The following ZNF566 variants were observed in gnomAD, a reference collection of about 807,000 sequenced individuals.
The protein encoded by ZNF566 is zinc finger protein 566.
In ZNF566, 27 loss-of-function variants were observed where a neutral mutation model predicts 32.8. The observed-to-expected ratio is 0.82, with a 90% CI of 0.61 to 1.14. ZNF566 has a LOEUF of 1.14. ZNF566 is among the 50% of genes most tolerant of loss of function. The pLI is 0.00. For missense variants in ZNF566, 402 were observed against 490.4 expected, an observed-to-expected ratio of 0.82 and a Z score of 1.70; for synonymous variants, 154 against 159.5, an observed-to-expected ratio of 0.97 and a Z score of 0.26.
intron 1 of ZNF566, among the ~76,000 whole-genome samples, chr19:36,486,267 T>A (rs1387516573): frequency 1.3e-5 from 2 of 152,192 alleles, no homozygotes; most frequent in Admixed American, 1.3e-4. Context: ...GAAAAAGGGC[T>A]CTAACTTAAT....
rs777231866 is a variant in ZNF566, at chr19:36,449,399, C to G, written c.835G>C (p.Gly279Arg). The change falls in exon 5 of 5, where the codon GGT becomes CGT. Residue 279 changes from glycine (G) to arginine (R), a missense_variant. Physicochemically the swap from Gly to Arg is moderately radical, Grantham distance 125 (BLOSUM62 -2). Coordinates refer to ENST00000452939, the MANE Select transcript of ZNF566 (RefSeq NM_001145344.1). Reference sequence around the variant, plus strand: ...TCTTTGCATTCATAAGGCTTCTCACCTGTGTGAATTCTCTGATGTCGAGTG... The same window carrying G: ...TCTTTGCATTCATAAGGCTTCTCACGTGTGTGAATTCTCTGATGTCGAGTG... Reference protein sequence around the residue: ...NFTRHQRIHTGEKPYECKECG... With the variant: ...NFTRHQRIHTREKPYECKECG... The G allele has an allele frequency of 6.2e-6, 10 of 1,614,080 alleles. No individual in the cohort carries two copies. Among genetic ancestry groups the G allele is most frequent in the Non-Finnish European group, 7.6e-6 (9 of 1,180,016 alleles).
chr19:36,477,017 T>C (rs1175000166), intron 1 of ZNF566, among the ~76,000 whole-genome samples: 1 of 151,988 alleles, frequency 6.6e-6, no homozygotes, highest in East Asian at 1.9e-4. Flanking sequence ...ATTTTTTTTT[T>C]CTTTTCTTTT....
chr19:36,458,606 C>T (rs2033379631), intron 4 of ZNF566, among the ~76,000 whole-genome samples: 1 of 152,174 alleles, frequency 6.6e-6, no homozygotes, highest in African/African-American at 2.4e-5. Flanking sequence ...GTATGTACTG[C>T]CATGTAAGTA....
intron 4 of ZNF566, 102 bp from the exon 5 acceptor site, chr19:36,450,103 G>T: frequency 1.1e-6 from 1 of 930,376 alleles, no homozygotes; most frequent in Non-Finnish European, 1.6e-6. Context: ...TTTACAAATG[G>T]ATGAGGAAAA....
At chr19:36,480,063 T>G (rs1250814614) in intron 1 of ZNF566, among the ~76,000 whole-genome samples, 1 of 152,068 alleles carries the variant, frequency 6.6e-6, no homozygotes. Context: ...AGGTAAAAAT[T>G]AGCAAGTTGA....
At chr19:36,488,895 C>G (rs1253012916) in intron 1 of ZNF566, among the ~76,000 whole-genome samples, 1 of 152,166 alleles carries the variant, frequency 6.6e-6, no homozygotes, top group Non-Finnish European at 1.5e-5. Context: ...CCTGATCACA[C>G]TCCCACCATG....
chr19:36,477,458 A>G (rs982135128), intron 1 of ZNF566, among the ~76,000 whole-genome samples: 8 of 151,934 alleles, frequency 5.3e-5, no homozygotes, highest in African/African-American at 2.4e-5. Context: ...TCCTAAAAGT[A>G]TAATTGCTCA....
chr19:36,466,504 C>T (rs186944817), intron 4 of ZNF566, among the ~76,000 whole-genome samples: 270 of 152,264 alleles, frequency 1.8e-3, no homozygotes, highest in Non-Finnish European at 3.1e-3. Flanking sequence ...TCCACAAATA[C>T]GAAGGGCTGA....
intron 4 of ZNF566, among the ~76,000 whole-genome samples, chr19:36,454,837 T>G (rs1036404985): frequency 6.6e-6 from 1 of 152,166 alleles, no homozygotes; most frequent in African/African-American, 2.4e-5. Context: ...CTCCTCAAAC[T>G]CTTCCAAAAT....
Position 36,473,474 on chromosome 19 carries a change from C to A in ZNF566, c.10-16G>T. 6.5e-7 allele frequency: 1 copy of A among 1,539,484 alleles called. No homozygotes were observed. Among genetic ancestry groups the A allele is most frequent in the Non-Finnish European group, 8.7e-7 (1 of 1,146,516 alleles). ...TCACTGACTCCTGGAACAATAACCA[C>A]GTATATGACTTCATTAATTTTTTAA... On this transcript the variant is annotated splice_polypyrimidine_tract_variant and intron_variant, in intron 2 of 4. Coordinates refer to ENST00000452939, the MANE Select transcript of ZNF566 (RefSeq NM_001145344.1).
At chr19:36,487,897 C>CAAAA (rs201784748) in intron 1 of ZNF566, among the ~76,000 whole-genome samples, 9 of 75,558 alleles carry the variant, frequency 1.2e-4, no homozygotes, top group East Asian at 9.2e-4. Flanking sequence ...GACTCTGTCT[C>CAAAA]AAAAAAAAAA....
At chr19:36,461,959 G>A (rs2033474734) in intron 4 of ZNF566, among the ~76,000 whole-genome samples, 1 of 150,030 alleles carries the variant, frequency 6.7e-6, no homozygotes, top group South Asian at 2.1e-4. Flanking sequence ...GAGCCTAAGA[G>A]TTCATAAAAA....
At chr19:36,475,196 C>A (rs879882862) in intron 2 of ZNF566, among the ~76,000 whole-genome samples, 1 of 152,156 alleles carries the variant, frequency 6.6e-6, no homozygotes, top group Non-Finnish European at 1.5e-5. Context: ...CAGGCGTGCA[C>A]CAACATGCCT....
chr19:36,486,490 T>G (rs1600186261), intron 1 of ZNF566, among the ~76,000 whole-genome samples: 2 of 151,872 alleles, frequency 1.3e-5, no homozygotes, highest in South Asian at 4.2e-4. Context: ...TGACCAATAT[T>G]GTGAAACCCT....
intron 1 of ZNF566, among the ~76,000 whole-genome samples, chr19:36,487,335 A>C (rs1184262310): frequency 1.3e-5 from 2 of 152,150 alleles, no homozygotes; most frequent in African/African-American, 4.8e-5. Flanking sequence ...GCCACTCCTA[A>C]GTATTAACCC....
At chr19:36,475,442 C>A (rs746033008) in intron 2 of ZNF566, among the ~76,000 whole-genome samples, 13 of 152,100 alleles carry the variant, frequency 8.5e-5, no homozygotes, top group Non-Finnish European at 1.3e-4. Flanking sequence ...GGAGACCTTG[C>A]CATGTACTAG....
chr19:36,481,231 G>A (rs2034020704), intron 1 of ZNF566, among the ~76,000 whole-genome samples: 1 of 151,908 alleles, frequency 6.6e-6, no homozygotes, highest in African/African-American at 2.4e-5. Flanking sequence ...AGCACTTTGG[G>A]AGGCCGAGTC....
At chr19:36,487,352 A>C (rs938630160) in intron 1 of ZNF566, among the ~76,000 whole-genome samples, 3 of 152,162 alleles carry the variant, frequency 2.0e-5, no homozygotes, top group Non-Finnish European at 2.9e-5. Flanking sequence ...ACCCGGGAGA[A>C]AAGCCTTCAT....
At position 36,446,623 on chromosome 19, in the gene ZNF566, C is replaced by T. The variant is rs1392414119; in HGVS notation, c.*2354G>A. The T allele has an allele frequency of 2.0e-5, 3 of 152,186 alleles. No individual in the cohort carries two copies. Among genetic ancestry groups the T allele is most frequent in the Non-Finnish European group, 4.4e-5 (3 of 68,028 alleles). The allele number at this position is 152,186 out of a possible 1,614,324, so 9.4% of individuals were successfully genotyped here. ...TATCTCTATAATTTTAGATGAAGAA[C>T]TTTATAAAAGACATAAGCACACAAG... On this transcript the variant is annotated 3_prime_UTR_variant, in exon 5 of 5. Transcript: ENST00000452939.
Sources: allele counts gnomAD v4.1 joint callset (sites outside exome capture counted in the v4.1 genomes callset), GRCh38; gene constraint gnomAD v4.1.1; transcripts MANE v1.5; gene names NCBI Gene and HGNC (gene_info 2026-07-23, HGNC 2026-07-21).